The following DLC1 variants were observed in gnomAD, a reference collection of about 807,000 sequenced individuals.
The protein encoded by DLC1 is rho GTPase-activating protein 7.
Under a neutral mutation model 140.3 loss-of-function variants are expected in DLC1, and 54 were observed. The observed-to-expected ratio is 0.38, with a 90% CI of 0.31 to 0.48. The LOEUF (loss-of-function observed/expected upper bound fraction) is 0.48. Among genes scored for constraint, DLC1 ranks in the 20% least tolerant of loss-of-function variants. DLC1 has a pLI of 0.96. For missense variants in DLC1, 2,536 were observed against 1,907.0 expected, an observed-to-expected ratio of 1.33 and a Z score of -6.14; for synonymous variants, 986 against 728.1, an observed-to-expected ratio of 1.35 and a Z score of -5.70.
chr8:13,354,744 A>T (rs1425018426), intron 4 of DLC1, among the ~76,000 whole-genome samples: 1 of 151,418 alleles, frequency 6.6e-6, no homozygotes, highest in Non-Finnish European at 1.5e-5. Context: ...CAGGAGTTCA[A>T]GACCAGCCTG....
chr8:13,099,010 T>G (rs1818747662), intron 9 of DLC1, among the ~76,000 whole-genome samples: 1 of 140,562 alleles, frequency 7.1e-6, no homozygotes, highest in South Asian at 2.1e-4. Context: ...TATCCCATGC[T>G]TTAATCCCCA....
chr8:13,176,976 C>G (rs533488590), intron 5 of DLC1, among the ~76,000 whole-genome samples: 5 of 152,180 alleles, frequency 3.3e-5, no homozygotes, highest in Non-Finnish European at 5.9e-5. Context: ...GGAGACAGTT[C>G]TCTCCTAGAG....
rs143637715 is a variant in DLC1, at chr8:13,171,206, G to A, written c.1349-55549C>T. ...AAGAAAGAGTTGCTACTGAATTAAC[G>A]TGTCACGGGTTTTGATTAAGGACTA... On this transcript the variant is annotated intron_variant, in intron 5 of 17. Transcript: ENST00000276297. Among the ~76,000 whole-genome samples, 428 of 152,290 alleles carry A rather than the reference G, an allele frequency of 2.8e-3. 1 individual carries two copies. The highest frequency in any genetic ancestry group is 9.3e-3 in the African/African-American group (388 of 41,574).
chr8:13,504,856 G>A (rs562831609), intron 1 of DLC1, among the ~76,000 whole-genome samples: 53 of 152,076 alleles, frequency 3.5e-4, no homozygotes, highest in Non-Finnish European at 6.5e-4. Flanking sequence ...GAAAGACATG[G>A]CAAAAGGAAG....
intron 2 of DLC1, among the ~76,000 whole-genome samples, chr8:13,417,395 T>C (rs1292880260): frequency 6.8e-6 from 1 of 147,148 alleles, no homozygotes; most frequent in Non-Finnish European, 1.5e-5. Flanking sequence ...GAGTGTGATG[T>C]TCCCCTTCCT....
chr8:13,547,723 C>G (rs1289247092), intron 1 of DLC1, among the ~76,000 whole-genome samples: 1 of 152,126 alleles, frequency 6.6e-6, no homozygotes, highest in East Asian at 1.9e-4. Context: ...AATATTTAAC[C>G]TCTATCTGCA....
intron 1 of DLC1, among the ~76,000 whole-genome samples, chr8:13,532,298 A>T (rs1296448911): frequency 6.6e-6 from 1 of 152,048 alleles, no homozygotes; most frequent in Admixed American, 6.6e-5. Context: ...AAACCCCACA[A>T]ATGCTAGAAG....
intron 5 of DLC1, among the ~76,000 whole-genome samples, chr8:13,253,057 A>T (rs908275268): frequency 1.3e-5 from 2 of 152,222 alleles, no homozygotes; most frequent in Non-Finnish European, 2.9e-5. Context: ...AAGCCATCGT[A>T]TGATCAAGTC....
rs557125057 is a variant in DLC1 at position 13,298,919 on chromosome 8, G to C, written c.1348+6350C>G. Among the ~76,000 whole-genome samples, 3 of 152,228 alleles carry C rather than the reference G, an allele frequency of 2.0e-5. No individual in the cohort carries two copies. In the South Asian group the frequency reaches 6.2e-4, roughly 32 times the overall value. On this transcript the variant is annotated intron_variant, in intron 5 of 17. Transcript: ENST00000276297. ...TTGGCTAATGATAATGCTTTGTTTT[G>C]CATGGGCTGCTATGTAGCCTGACAA...
chr8:13,347,696 A>T (rs1009837572), intron 4 of DLC1, among the ~76,000 whole-genome samples: 1 of 152,218 alleles, frequency 6.6e-6, no homozygotes, highest in Non-Finnish European at 1.5e-5. Flanking sequence ...AAAGATGGAC[A>T]GGTCACAGTC....
In DLC1 at chr8:13,129,009, A is replaced by C. The variant is rs530665388; in HGVS notation, c.1349-13352T>G. ...CCAGGAGGACTCCGCAGTTCTTATC[A>C]CTGATCATGGTAATCCCTAATAACA... On this transcript the variant is annotated intron_variant, in intron 5 of 17. Coordinates refer to ENST00000276297, the MANE Select transcript of DLC1 (RefSeq NM_182643.3). Among the ~76,000 whole-genome samples the C allele has an allele frequency of 3.3e-5, 5 of 149,822 alleles. No homozygotes were observed. In the East Asian group the frequency reaches 9.8e-4, roughly 29 times the overall value.
chr8:13,572,091 A>ATTT (rs773027065), intron 1 of DLC1, among the ~76,000 whole-genome samples: 24 of 56,320 alleles, frequency 4.3e-4, no homozygotes, highest in Admixed American at 8.9e-4. Context: ...TATTATTATT[A>ATTT]TTTATTTTTT....
intron 2 of DLC1, among the ~76,000 whole-genome samples, chr8:13,415,848 A>G (rs1838031485): frequency 6.6e-6 from 1 of 152,196 alleles, no homozygotes; most frequent in African/African-American, 2.4e-5. Flanking sequence ...GTATACAGGT[A>G]TAAAGAATAT....
intron 2 of DLC1, among the ~76,000 whole-genome samples, chr8:13,458,881 A>G (rs1302272034): frequency 6.6e-6 from 1 of 152,064 alleles, no homozygotes; most frequent in African/African-American, 2.4e-5. Context: ...TAAAAAGTTT[A>G]CTTACTCTTG....
intron 4 of DLC1, among the ~76,000 whole-genome samples, chr8:13,350,345 T>G (rs1284292873): frequency 6.6e-6 from 1 of 152,072 alleles, no homozygotes; most frequent in Non-Finnish European, 1.5e-5. Flanking sequence ...GTGGTTGAAG[T>G]TTTTCTTGTG....
chr8:13,584,740 G>A (rs11987086), intron 1 of DLC1, among the ~76,000 whole-genome samples: 21,580 of 152,102 alleles, frequency 0.14, 1,877 homozygotes, highest in African/African-American at 0.24. Flanking sequence ...GGAATATTCC[G>A]AAGGGCAACT....
intron 2 of DLC1, among the ~76,000 whole-genome samples, chr8:13,477,433 C>A (rs143222842): frequency 6.2e-4 from 95 of 152,230 alleles, no homozygotes; most frequent in African/African-American, 2.2e-3. Context: ...CATTGTATTT[C>A]TATAAGACTT....
chr8:13,442,569 G>T (rs1247669868), intron 2 of DLC1, among the ~76,000 whole-genome samples: 1 of 152,156 alleles, frequency 6.6e-6, no homozygotes, highest in Non-Finnish European at 1.5e-5. Context: ...CTTCTCAAAA[G>T]AAGACATTTA....
chr8:13,496,786 C>CTTTTTTTT (rs869192950), intron 2 of DLC1, among the ~76,000 whole-genome samples: 1 of 23,486 alleles, frequency 4.3e-5, no homozygotes, highest in African/African-American at 1.2e-4. Flanking sequence ...AGACCATTTC[C>CTTTTTTTT]TTTTTTTTTT....
Sources: gnomAD v4.1 joint callset for allele counts (sites outside exome capture counted in the v4.1 genomes callset) on GRCh38, gnomAD v4.1.1 for gene constraint, MANE v1.5 for transcripts, NCBI Gene and HGNC (gene_info 2026-07-23, HGNC 2026-07-21) for gene names.